The following NRXN3 variants were observed in gnomAD, a reference collection of about 807,000 sequenced individuals.
The protein encoded by NRXN3 is neurexin 3, also known as neurexin III.
NRXN3 carries 32 observed loss-of-function variants against 137.6 expected under a neutral mutation model. That is an observed-to-expected ratio of 0.23 (90% CI 0.18 to 0.31). NRXN3 has a LOEUF of 0.31. Ranked by LOEUF, NRXN3 falls within the 10% of genes least tolerant of loss-of-function variation. NRXN3 has a pLI of 1.00. For missense variants in NRXN3, 1,574 were observed against 2,062.5 expected (o/e 0.76, Z 4.59); for synonymous variants, 798 against 784.5 (o/e 1.02, Z -0.29).
At chr14:78,252,346 A>G (rs1223040681) in intron 2 of NRXN3, among the ~76,000 whole-genome samples, 1 of 152,192 alleles carries the variant, frequency 6.6e-6, no homozygotes, top group African/African-American at 2.4e-5. Flanking sequence ...ATGCAAGGGC[A>G]TAAAGAAGGT....
chr14:79,716,132 T>C (rs1482070745), intron 19 of NRXN3, among the ~76,000 whole-genome samples: 1 of 152,144 alleles, frequency 6.6e-6, no homozygotes, highest in Non-Finnish European at 1.5e-5. Context: ...CACATGGTCA[T>C]GTGGAATGGG....
chr14:78,649,642 A>G (rs1327978704), intron 5 of NRXN3, among the ~76,000 whole-genome samples: 1 of 149,948 alleles, frequency 6.7e-6, no homozygotes. Flanking sequence ...TCCAAGTTAC[A>G]TACTAGGGAC....
chr14:78,576,493 T>G (rs772478295), intron 4 of NRXN3, among the ~76,000 whole-genome samples: 1 of 152,138 alleles, frequency 6.6e-6, no homozygotes, highest in Non-Finnish European at 1.5e-5. Flanking sequence ...ACTATTACTA[T>G]TTTGGTGTTT....
At chr14:78,277,953 GA>G (rs1294642621) in intron 2 of NRXN3, among the ~76,000 whole-genome samples, 2 of 152,068 alleles carry the variant, frequency 1.3e-5, no homozygotes, top group Non-Finnish European at 2.9e-5. Context: ...GAAAAGCAAG[GA>G]AAAAAATTAA....
chr14:78,367,535 C>T (rs558633668), intron 4 of NRXN3, among the ~76,000 whole-genome samples: 1 of 152,282 alleles, frequency 6.6e-6, no homozygotes, highest in Non-Finnish European at 1.5e-5. Flanking sequence ...TGCATGTCAC[C>T]TACTCTGCTG....
intron 14 of NRXN3, chr14:78,972,864 T>C (rs976663411): frequency 6.6e-6 from 1 of 152,304 alleles, no homozygotes. Context: ...TCGCTTTTTC[T>C]GTTCTTTTGC....
intron 10 of NRXN3, among the ~76,000 whole-genome samples, chr14:78,873,316 T>C (rs375599954): frequency 6.6e-6 from 1 of 152,244 alleles, no homozygotes; most frequent in South Asian, 2.1e-4. Flanking sequence ...GCCTTTATTT[T>C]TTTCACAACC....
At chr14:79,736,783 C>A (rs533856269) in intron 19 of NRXN3, among the ~76,000 whole-genome samples, 1 of 152,224 alleles carries the variant, frequency 6.6e-6, no homozygotes, top group Non-Finnish European at 1.5e-5. Context: ...AAGCAAGAAG[C>A]CAGCAAGTCT....
intron 20 of NRXN3, among the ~76,000 whole-genome samples, chr14:79,806,058 G>A (rs941652883): frequency 3.3e-5 from 5 of 152,146 alleles, no homozygotes; most frequent in African/African-American, 1.2e-4. Flanking sequence ...ACGTTTATAT[G>A]TATATAATAG....
intron 15 of NRXN3, among the ~76,000 whole-genome samples, chr14:79,292,287 A>G (rs1367687960): frequency 3.3e-5 from 5 of 152,210 alleles, no homozygotes; most frequent in East Asian, 1.9e-4. Flanking sequence ...TACATCTTCA[A>G]TCAAGGACCC....
rs77881154 is a variant in NRXN3, at chr14:79,319,766, G to C, written c.3263-147455G>C. Reference sequence around the variant, plus strand: ...GAATTATAGTCATGGCTTGAGTAAAGATCTCATTGCAGTTGAGTACTAGCA... The same window carrying C: ...GAATTATAGTCATGGCTTGAGTAAACATCTCATTGCAGTTGAGTACTAGCA... On this transcript the variant is annotated intron_variant, in intron 15 of 20. Transcript: ENST00000335750. 5.3e-3 allele frequency among the ~76,000 whole-genome samples: 813 copies of C among 152,252 alleles called. 60 individuals are homozygous for C. The East Asian group carries it at 0.14, about 26-fold the overall frequency.
intron 10 of NRXN3, among the ~76,000 whole-genome samples, chr14:78,950,022 T>C (rs2099384088): frequency 6.6e-6 from 1 of 152,156 alleles, no homozygotes; most frequent in African/African-American, 2.4e-5. Flanking sequence ...TGATAAACAG[T>C]AAGATCACAC....
intron 16 of NRXN3, among the ~76,000 whole-genome samples, chr14:79,508,406 TAA>T (rs2096900121): frequency 3.5e-5 from 5 of 143,700 alleles, no homozygotes; most frequent in South Asian, 2.3e-4. Context: ...TTTTTTTTTT[TAA>T]GACAGAGTCT....
chr14:79,630,946 G>A (rs1339411052), intron 16 of NRXN3, among the ~76,000 whole-genome samples: 2 of 152,154 alleles, frequency 1.3e-5, no homozygotes, highest in East Asian at 1.9e-4. Flanking sequence ...TGCATAATAC[G>A]TCTGAGCTGT....
chr14:79,195,689 G>A (rs1169521507), intron 15 of NRXN3, among the ~76,000 whole-genome samples: 1 of 152,040 alleles, frequency 6.6e-6, no homozygotes, highest in African/African-American at 2.4e-5. Flanking sequence ...ATGCCTTTAG[G>A]TGAAAATGTT....
intron 15 of NRXN3, among the ~76,000 whole-genome samples, chr14:79,056,380 A>T (rs1387344821): frequency 2.1e-5 from 3 of 144,136 alleles, no homozygotes; most frequent in African/African-American, 7.9e-5. Context: ...TTCATCTCTG[A>T]ATGTATCCGT....
At chr14:79,301,531 G>C (rs2085133482) in intron 15 of NRXN3, among the ~76,000 whole-genome samples, 1 of 151,858 alleles carries the variant, frequency 6.6e-6, no homozygotes, top group Admixed American at 6.6e-5. Flanking sequence ...TCTACTGTAG[G>C]GAACACAATG....
intron 4 of NRXN3, among the ~76,000 whole-genome samples, chr14:78,406,570 C>A (rs1259330016): frequency 6.6e-6 from 1 of 152,090 alleles, no homozygotes; most frequent in Non-Finnish European, 1.5e-5. Context: ...CACTAATGTC[C>A]CATAGCAGAG....
At chr14:79,245,541 T>G (rs2075034098) in intron 15 of NRXN3, among the ~76,000 whole-genome samples, 1 of 152,152 alleles carries the variant, frequency 6.6e-6, no homozygotes, top group East Asian at 1.9e-4. Flanking sequence ...TTCCTAAGCC[T>G]CAGTTTCCTT....
Sources: allele counts gnomAD v4.1 joint callset (sites outside exome capture counted in the v4.1 genomes callset), GRCh38; gene constraint gnomAD v4.1.1; transcripts MANE v1.5; gene names NCBI Gene and HGNC (gene_info 2026-07-23, HGNC 2026-07-21).